Variants in SPOCK3 observed in about 807,000 individuals in gnomAD.
SPOCK3 encodes the protein SPARC (osteonectin), cwcv and kazal like domains proteoglycan 3.
A neutral mutation model predicts 56.6 loss-of-function variants in SPOCK3; 30 were observed. The observed-to-expected ratio is 0.53, with a 90% CI of 0.40 to 0.72. The LOEUF is 0.72. SPOCK3 is among the 30% of genes least tolerant of loss of function. SPOCK3 has a pLI of 0.00. For missense variants in SPOCK3, 527 were observed against 530.0 expected, an observed-to-expected ratio of 0.99 and a Z score of 0.06; for synonymous variants, 196 against 183.3, an observed-to-expected ratio of 1.07 and a Z score of -0.56.
At chr4:166,842,357 G>A (rs569495648) in intron 6 of SPOCK3, among the ~76,000 whole-genome samples, 1 of 152,174 alleles carries the variant, frequency 6.6e-6, no homozygotes, top group Non-Finnish European at 1.5e-5. Context: ...GAGCTGATTG[G>A]TCCCTTTTGA....
intron 7 of SPOCK3, among the ~76,000 whole-genome samples, chr4:166,767,843 T>C (rs1246120558): frequency 6.6e-6 from 1 of 151,934 alleles, no homozygotes. Context: ...TGTAGATCTC[T>C]AAGTATTTGC....
chr4:166,930,131 C>T (rs1016604334), intron 4 of SPOCK3, among the ~76,000 whole-genome samples: 5 of 151,954 alleles, frequency 3.3e-5, no homozygotes, highest in African/African-American at 7.2e-5. Context: ...TAGATATAAT[C>T]GACTGACTTT....
intron 5 of SPOCK3, among the ~76,000 whole-genome samples, chr4:166,903,423 A>G (rs1447511280): frequency 6.6e-6 from 1 of 152,026 alleles, no homozygotes; most frequent in East Asian, 1.9e-4. Flanking sequence ...TCAACATTAT[A>G]CCATAATAAT....
chr4:166,905,820 CAA>C (rs957280081), intron 5 of SPOCK3, among the ~76,000 whole-genome samples: 4 of 151,790 alleles, frequency 2.6e-5, no homozygotes, highest in Non-Finnish European at 5.9e-5. Flanking sequence ...AACAATATAA[CAA>C]TATACTATCA....
At chr4:167,008,300 A>C (rs1749664853) in intron 3 of SPOCK3, among the ~76,000 whole-genome samples, 1 of 152,032 alleles carries the variant, frequency 6.6e-6, no homozygotes, top group African/African-American at 2.4e-5. Flanking sequence ...ACTGTAATAT[A>C]AATATATACT....
At chr4:167,087,600 C>T (rs7688165) in intron 2 of SPOCK3, among the ~76,000 whole-genome samples, 30,105 of 152,072 alleles carry the variant, frequency 0.2, 3,960 homozygotes, top group African/African-American at 0.36. Context: ...TGTTAGGAAT[C>T]GTTCAGAGTC....
intron 3 of SPOCK3, among the ~76,000 whole-genome samples, chr4:167,027,250 T>A (rs1483288497): frequency 1.3e-5 from 2 of 152,048 alleles, no homozygotes; most frequent in African/African-American, 4.8e-5. Flanking sequence ...CTAAAATGTT[T>A]CTGATTAAAT....
chr4:166,956,884 G>A (rs776240125), intron 4 of SPOCK3, among the ~76,000 whole-genome samples: 2 of 151,998 alleles, frequency 1.3e-5, no homozygotes, highest in Non-Finnish European at 2.9e-5. Flanking sequence ...CATCCTCCTT[G>A]CCTCTCGCTT....
chr4:167,031,870 T>C (rs921664252), intron 3 of SPOCK3, among the ~76,000 whole-genome samples: 1 of 152,008 alleles, frequency 6.6e-6, no homozygotes, highest in Non-Finnish European at 1.5e-5. Flanking sequence ...CCATTCAAAT[T>C]CAGTTCTTTA....
intron 2 of SPOCK3, among the ~76,000 whole-genome samples, chr4:167,233,290 T>A (rs779773010): frequency 1.3e-5 from 2 of 151,828 alleles, no homozygotes; most frequent in Non-Finnish European, 2.9e-5. Context: ...CCCAGGGGAG[T>A]CTATGGTTTA....
At chr4:166,754,826 T>G (rs1423443813) in intron 7 of SPOCK3, 97 bp from the exon 8 acceptor site, 1 of 1,059,310 alleles carries the variant, frequency 9.4e-7, no homozygotes, top group African/African-American at 1.6e-5. Flanking sequence ...GTGTAGGACA[T>G]CTAATGAATA....
chr4:166,794,217 A>AAAAAAC (rs1741653541), intron 6 of SPOCK3, among the ~76,000 whole-genome samples: 1 of 150,584 alleles, frequency 6.6e-6, no homozygotes, highest in East Asian at 1.9e-4. Flanking sequence ...AGGCAAAAAA[A>AAAAAAC]AAAAAAAAAA....
chr4:166,968,914 C>T (rs142703593), intron 4 of SPOCK3, among the ~76,000 whole-genome samples: 94 of 152,310 alleles, frequency 6.2e-4, no homozygotes, highest in Non-Finnish European at 1.2e-3. Context: ...GGAGGCTGTA[C>T]CCTGCAGAGC....
At chr4:167,034,293 T>A (rs1285528404) in intron 3 of SPOCK3, among the ~76,000 whole-genome samples, 1 of 151,478 alleles carries the variant, frequency 6.6e-6, no homozygotes, top group East Asian at 1.9e-4. Context: ...AAATTAGAGA[T>A]AAAATTTGAG....
At chr4:167,226,855 C>T (rs1226382007) in intron 2 of SPOCK3, among the ~76,000 whole-genome samples, 2 of 152,018 alleles carry the variant, frequency 1.3e-5, no homozygotes, top group East Asian at 3.9e-4. Context: ...CTCATGCTTG[C>T]AAAAGAGAAT....
intron 4 of SPOCK3, among the ~76,000 whole-genome samples, chr4:166,928,993 A>C (rs572284656): frequency 1.5e-4 from 23 of 150,652 alleles, no homozygotes; most frequent in African/African-American, 5.2e-4. Context: ...ACAACAACAA[A>C]AACTATGGAC....
chr4:166,795,734 T>A (rs1741865263), intron 6 of SPOCK3, among the ~76,000 whole-genome samples: 1 of 152,126 alleles, frequency 6.6e-6, no homozygotes, highest in South Asian at 2.1e-4. Flanking sequence ...TCATGTTGTA[T>A]TTGAGAGTCA....
chr4:166,752,166 A>G (rs1736456039), intron 8 of SPOCK3, among the ~76,000 whole-genome samples: 4 of 151,930 alleles, frequency 2.6e-5, no homozygotes, highest in African/African-American at 9.7e-5. Flanking sequence ...CTAGGACTAC[A>G]GGCATGTACC....
chr4:167,001,043 T>G (rs1748905572), intron 3 of SPOCK3, among the ~76,000 whole-genome samples: 1 of 152,218 alleles, frequency 6.6e-6, no homozygotes, highest in South Asian at 2.1e-4. Flanking sequence ...CCACCATTTC[T>G]TCAAACAAAC....
Sources: gnomAD v4.1 joint callset for allele counts (sites outside exome capture counted in the v4.1 genomes callset) on GRCh38, gnomAD v4.1.1 for gene constraint, MANE v1.5 for transcripts, NCBI Gene and HGNC (gene_info 2026-07-23, HGNC 2026-07-21) for gene names.